Variants in FAM53B observed in about 807,000 individuals in gnomAD.
FAM53B encodes the protein family with sequence similarity 53 member B.
In FAM53B, 12 loss-of-function variants were observed where a neutral mutation model predicts 32.7. The ratio of observed to expected loss-of-function variants is 0.37; its 90% CI spans 0.24 to 0.59. The LOEUF (loss-of-function observed/expected upper bound fraction) is 0.59. Among genes scored for constraint, FAM53B ranks in the 20% least tolerant of loss-of-function variants. The pLI, the probability that FAM53B is intolerant of heterozygous loss-of-function variation, is 0.72. For synonymous variants in FAM53B, 234 were observed against 228.7 expected (o/e 1.02, Z -0.21); for missense variants, 477 against 577.7 (o/e 0.83, Z 1.79).
chr10:124,714,713 C>A (rs1054712844), intron 1 of FAM53B, among the ~76,000 whole-genome samples: 3 of 140,166 alleles, frequency 2.1e-5, no homozygotes, highest in Non-Finnish European at 4.5e-5. Context: ...GAGCCAAGAT[C>A]GTGCCACTGC....
chr10:124,648,165 C>T (rs1949531699), intron 4 of FAM53B, among the ~76,000 whole-genome samples: 1 of 152,214 alleles, frequency 6.6e-6, no homozygotes, highest in South Asian at 2.1e-4. Flanking sequence ...ACTGCAGCAG[C>T]CAAGCTTCTG....
intron 3 of FAM53B, among the ~76,000 whole-genome samples, chr10:124,684,279 C>A (rs769358076): frequency 2.6e-4 from 40 of 152,384 alleles, no homozygotes; most frequent in Non-Finnish European, 4.7e-4. Flanking sequence ...CATCGTTCAT[C>A]TCATCTCTGA....
At chr10:124,707,075 T>C (rs564542751) in intron 1 of FAM53B, among the ~76,000 whole-genome samples, 188 bp from the exon 2 acceptor site, 1 of 152,252 alleles carries the variant, frequency 6.6e-6, no homozygotes, top group African/African-American at 2.4e-5. Flanking sequence ...ACCCCTGCCA[T>C]GCCAGCCTTG....
At chr10:124,667,993 C>T (rs1338694597) in intron 4 of FAM53B, among the ~76,000 whole-genome samples, 1 of 152,172 alleles carries the variant, frequency 6.6e-6, no homozygotes, top group Non-Finnish European at 1.5e-5. Context: ...CCAAGCCCCA[C>T]ACCAGGCCCA....
chr10:124,662,465 TCCATCCATC>T (rs1949639557), intron 4 of FAM53B, among the ~76,000 whole-genome samples: 1 of 8,442 alleles, frequency 1.2e-4, no homozygotes, highest in Non-Finnish European at 2.8e-4. Context: ...CACCCACCCA[TCCATCCATC>T]CATCCATCCA....
At chr10:124,677,730 C>A (rs780807380) in intron 4 of FAM53B, among the ~76,000 whole-genome samples, 5 of 152,250 alleles carry the variant, frequency 3.3e-5, no homozygotes, top group Admixed American at 6.5e-5. Context: ...CTACACCCCA[C>A]CCTGTGTGTC....
chr10:124,702,984 C>T (rs1305795256), intron 2 of FAM53B, among the ~76,000 whole-genome samples: 1 of 152,176 alleles, frequency 6.6e-6, no homozygotes, highest in Non-Finnish European at 1.5e-5. Flanking sequence ...CTTATTCTCC[C>T]CTCACCTTCT....
At chr10:124,705,573 T>A (rs1949950558) in intron 2 of FAM53B, 2 of 152,224 alleles carry the variant, frequency 1.3e-5, no homozygotes, top group East Asian at 1.9e-4. Context: ...TATTCACAGC[T>A]CTCCAGACAC....
intron 4 of FAM53B, among the ~76,000 whole-genome samples, chr10:124,652,627 C>A (rs1043380149): frequency 1.3e-5 from 2 of 152,182 alleles, no homozygotes; most frequent in Non-Finnish European, 2.9e-5. Context: ...CATTCCAGGG[C>A]TATCACAAAC....
chr10:124,657,658 T>C (rs1949602232), intron 4 of FAM53B, among the ~76,000 whole-genome samples: 1 of 152,254 alleles, frequency 6.6e-6, no homozygotes, highest in African/African-American at 2.4e-5. Flanking sequence ...AATGTGAAAC[T>C]GACATACTCC....
chr10:124,710,066 C>T (rs928832581), intron 1 of FAM53B, among the ~76,000 whole-genome samples: 1 of 152,222 alleles, frequency 6.6e-6, no homozygotes, highest in Non-Finnish European at 1.5e-5. Context: ...AAGGCGTGGC[C>T]GCCGGGTCGG....
At chr10:124,667,081 G>C in intron 4 of FAM53B, 1 of 351,734 alleles carries the variant, frequency 2.8e-6, no homozygotes, top group Non-Finnish European at 5.2e-6. Context: ...ACTCAGCAAA[G>C]CTACATGCAG....
chr10:124,682,325 G>A lies in FAM53B; in HGVS notation c.188C>T (p.Pro63Leu), dbSNP rs766011933. ...DRKCPLQIDQ[P>L]STSIWECLPE... is the part of the protein sequence containing the mutation. ...CAGGCATTCCCAGATGCTGGTGCTC[G>A]GTTGGTCAATCTGAAGAGGGCATTT... The change falls in exon 4 of 5, where the codon CCG (proline) becomes CTG (leucine). Residue 63 changes from proline (P) to leucine (L), a missense_variant. Around this residue, in one of 2 missense-constraint regions of FAM53B, gnomAD observed 312 missense variants for 420.2 expected, o/e 0.74. Transcript: ENST00000337318. This position sits in a 1 kb window ranked among gnomAD's most constrained non-coding sequence, Gnocchi z 5.2. 42 of 1,613,596 alleles carry A rather than the reference G, an allele frequency of 2.6e-5. No homozygotes were observed. Among genetic ancestry groups the A allele is most frequent in the Non-Finnish European group, 3.2e-5 (38 of 1,179,910 alleles).
At position 124,744,184 on chromosome 10, in the gene FAM53B, G is replaced by A. The variant is rs1167924108; in HGVS notation, c.-346C>T. ...GGAAATCGACTTGTCACTTCCTGAA[G>A]TGTTTGCAACTCGTCCCTTTAACCG... On this transcript the variant is annotated 5_prime_UTR_variant, in exon 1 of 5. Transcript: ENST00000337318. The A allele has an allele frequency of 6.8e-6, 1 of 147,170 alleles. No individual in the cohort carries two copies. Among genetic ancestry groups the A allele is most frequent in the African/African-American group, 2.4e-5 (1 of 40,984 alleles). 9.1% of individuals were successfully genotyped at this position (147,170 alleles called of 1,614,324 possible). A position where few individuals can be genotyped will look rare whatever the true frequency, so the allele number is the denominator to read the frequency against.
intron 4 of FAM53B, among the ~76,000 whole-genome samples, chr10:124,637,934 GC>G (rs376025810): frequency 6.6e-6 from 1 of 152,194 alleles, no homozygotes; most frequent in African/African-American, 2.4e-5. Flanking sequence ...CCATTCTGGA[GC>G]CCCCCGCACC....
At chr10:124,668,013 G>A (rs1172748299) in intron 4 of FAM53B, among the ~76,000 whole-genome samples, 1 of 152,140 alleles carries the variant, frequency 6.6e-6, no homozygotes, top group Non-Finnish European at 1.5e-5. Context: ...ACCTATCTCT[G>A]GAGCCCAGAT....
At chr10:124,691,401 TG>T (rs1949831777) in intron 3 of FAM53B, among the ~76,000 whole-genome samples, 2 of 152,380 alleles carry the variant, frequency 1.3e-5, no homozygotes, top group South Asian at 4.1e-4. Context: ...TCAAGTTTCC[TG>T]TATGTTCTTT....
intron 4 of FAM53B, among the ~76,000 whole-genome samples, chr10:124,654,693 G>A (rs1949576354): frequency 6.6e-6 from 1 of 152,192 alleles, no homozygotes; most frequent in Non-Finnish European, 1.5e-5. Flanking sequence ...TACAGAGGAA[G>A]GGACATCTCT....
chr10:124,708,561 C>T (rs967940587), intron 1 of FAM53B, among the ~76,000 whole-genome samples: 1 of 152,238 alleles, frequency 6.6e-6, no homozygotes, highest in Admixed American at 6.5e-5. Flanking sequence ...GAATTTCAGA[C>T]CACTCCTGCA....
Sources: allele counts gnomAD v4.1 joint callset (sites outside exome capture counted in the v4.1 genomes callset), GRCh38; gene constraint gnomAD v4.1.1; regional missense constraint gnomAD v4.1.1; non-coding constraint Gnocchi (gnomAD v3.1); transcripts MANE v1.5; gene names NCBI Gene and HGNC (gene_info 2026-07-23, HGNC 2026-07-21).